The following BLM variants were observed in gnomAD, a reference collection of about 807,000 sequenced individuals.
BLM encodes the protein BLM RecQ like helicase, also known as recQ-like DNA helicase BLM.
Under a neutral mutation model 135.3 loss-of-function variants are expected in BLM, and 95 were observed. That is an observed-to-expected ratio of 0.70 (90% CI 0.59 to 0.83). The LOEUF is 0.83. Ranked by LOEUF, BLM falls within the 40% of genes least tolerant of loss-of-function variation. The pLI is 0.00. For missense variants in BLM, 1,518 were observed against 1,663.9 expected (o/e 0.91, Z 1.53); for synonymous variants, 520 against 589.2 (o/e 0.88, Z 1.70).
Position 90,754,857 on chromosome 15 carries a change from A to G in BLM, c.1006A>G (p.Ser336Gly), listed in dbSNP as rs1567037959. The G allele has an allele frequency of 6.2e-7, 1 of 1,613,846 alleles. No homozygotes were observed. The highest frequency in any genetic ancestry group is 8.5e-7 in the Non-Finnish European group (1 of 1,179,942). ...DTSDRKEDVLSTSKDLLSKPE... is the reference protein window; with the variant it reads ...DTSDRKEDVLGTSKDLLSKPE... ...CTCTGACAGAAAAGAGGATGTTCTTAGCACATCAAAAGATCTTTTGTCAAA... is the reference window on the plus strand; with the variant it reads ...CTCTGACAGAAAAGAGGATGTTCTTGGCACATCAAAAGATCTTTTGTCAAA... The change falls in exon 5 of 22, where the codon AGC becomes GGC. Residue 336 changes from serine (S) to glycine (G), a missense_variant. Physicochemically the swap from Ser to Gly is moderately conservative, Grantham distance 56. Coordinates refer to ENST00000355112, the MANE Select transcript of BLM (RefSeq NM_000057.4).
chr15:90,811,493 A>G (rs1897420668), intron 21 of BLM, 87 bp downstream of exon 21: 2 of 1,393,874 alleles, frequency 1.4e-6, no homozygotes, highest in African/African-American at 2.9e-5. Flanking sequence ...TGAAGGATTT[A>G]TTAAAATAAG....
In BLM at chr15:90,749,935, G is replaced by T. The variant is rs761533210; in HGVS notation, c.667G>T (p.Glu223Ter). 6.2e-7 allele frequency: 1 copy of T among 1,614,078 alleles called. No individual in the cohort carries two copies. The highest frequency in any genetic ancestry group is 1.1e-5 in the South Asian group (1 of 91,084). Residue 223 changes from glutamate (E) to a stop codon, truncating the protein, a stop_gained, in exon 3 of 22, where the codon GAA becomes TAA. Coordinates refer to ENST00000355112, the MANE Select transcript of BLM (RefSeq NM_000057.4). LOFTEE classifies it high-confidence loss of function. ...SESEQIDLTE[E>*]QKDDSEWLSS... is the part of the protein sequence containing the mutation. ...AAGCGAGCAAATAGATTTGACTGAG[G>T]AACAGAAGGATGACTCAGAATGGTT...
intron 17 of BLM, 94 bp from the exon 18 acceptor site, chr15:90,803,427 C>T: frequency 8.5e-7 from 1 of 1,172,332 alleles, no homozygotes; most frequent in South Asian, 1.3e-5. Flanking sequence ...TCCATCTGTC[C>T]AAACCTGTCC....
intron 1 of BLM, among the ~76,000 whole-genome samples, chr15:90,727,641 A>G (rs1027573536): frequency 6.6e-5 from 10 of 152,192 alleles, no homozygotes; most frequent in Non-Finnish European, 1.3e-4. Flanking sequence ...TCTTTTGGGC[A>G]GAAACATTGC....
chr15:90,735,661 GAC>G (rs1895195224), intron 1 of BLM, among the ~76,000 whole-genome samples: 3 of 151,940 alleles, frequency 2.0e-5, no homozygotes. Context: ...CTTTATATCA[GAC>G]ACAGGAATAA....
intron 21 of BLM, among the ~76,000 whole-genome samples, chr15:90,813,518 C>A (rs1401717754): frequency 6.6e-6 from 1 of 152,146 alleles, no homozygotes; most frequent in Non-Finnish European, 1.5e-5. Flanking sequence ...CTCAGCCTCC[C>A]AAGTAGCTGG....
chr15:90,740,337 C>G (rs1173422035), intron 1 of BLM, among the ~76,000 whole-genome samples: 1 of 152,162 alleles, frequency 6.6e-6, no homozygotes, highest in African/African-American at 2.4e-5. Context: ...TACACTAGTT[C>G]ATCTTTTGTG....
chr15:90,723,716 C>T (rs959375660), intron 1 of BLM, among the ~76,000 whole-genome samples: 3 of 151,986 alleles, frequency 2.0e-5, no homozygotes, highest in African/African-American at 7.2e-5. Flanking sequence ...TGTATAGTAC[C>T]ACACAGCCAC....
Position 90,753,985 on chromosome 15 carries a change from G to T in BLM, c.960-826G>T, listed in dbSNP as rs28384999. ...TACACTGTTTTGATTTAGTTAGAAAGTTGCATTCCAAAATTATTCTTTAGG... is the reference window on the plus strand; with the variant it reads ...TACACTGTTTTGATTTAGTTAGAAATTTGCATTCCAAAATTATTCTTTAGG... On this transcript the variant is annotated intron_variant, in intron 4 of 21. Transcript: ENST00000355112. 4.8e-3 allele frequency among the ~76,000 whole-genome samples: 736 copies of T among 152,296 alleles called. 12 individuals are homozygous for T. Among genetic ancestry groups the T allele is most frequent in the East Asian group, 0.026 (136 of 5,194 alleles).
chr15:90,792,480 A>G (rs763355978), intron 15 of BLM, among the ~76,000 whole-genome samples: 1 of 152,090 alleles, frequency 6.6e-6, no homozygotes, highest in Non-Finnish European at 1.5e-5. Flanking sequence ...TGTGCCCAAC[A>G]CTGCATATAT....
chr15:90,727,169 T>G (rs981783267), intron 1 of BLM, among the ~76,000 whole-genome samples: 1 of 152,136 alleles, frequency 6.6e-6, no homozygotes, highest in Non-Finnish European at 1.5e-5. Context: ...TTTTTGTTTT[T>G]GTTTTTTTAA....
At chr15:90,729,315 T>A (rs1290292493) in intron 1 of BLM, among the ~76,000 whole-genome samples, 3 of 152,014 alleles carry the variant, frequency 2.0e-5, no homozygotes, top group Non-Finnish European at 4.4e-5. Context: ...AGTTTCAAAA[T>A]AAATAAATAA....
At chr15:90,807,829 TCAATA>T (rs1897317202) in intron 19 of BLM, among the ~76,000 whole-genome samples, 1 of 152,234 alleles carries the variant, frequency 6.6e-6, no homozygotes, top group Non-Finnish European at 1.5e-5. Context: ...GCAGTTAGAC[TCAATA>T]CATGAGGTAC....
At chr15:90,763,541 A>G (rs935446094) in intron 8 of BLM, among the ~76,000 whole-genome samples, 16 of 152,190 alleles carry the variant, frequency 1.1e-4, no homozygotes, top group African/African-American at 3.9e-4. Flanking sequence ...ATATATGCAT[A>G]TATGCATAGT....
At chr15:90,761,309 G>A (rs1189149307) in intron 7 of BLM, 54 bp downstream of exon 7, 2 of 1,275,942 alleles carry the variant, frequency 1.6e-6, no homozygotes, top group South Asian at 2.0e-5. Flanking sequence ...TCCCAAAATA[G>A]GAATTATATA....
chr15:90,783,898 A>G (rs1458672923), intron 13 of BLM, among the ~76,000 whole-genome samples: 1 of 152,224 alleles, frequency 6.6e-6, no homozygotes, highest in African/African-American at 2.4e-5. Context: ...CAAAAAACAA[A>G]AAAGAAAATT....
chr15:90,784,327 C>CTTTTTTTTTTTTTT (rs769540432), intron 13 of BLM, among the ~76,000 whole-genome samples: 1 of 70,002 alleles, frequency 1.4e-5, no homozygotes, highest in Non-Finnish European at 2.5e-5. Context: ...AATGGCTTTT[C>CTTTTTTTTTTTTTT]TTTTTTTTTT....
At position 90,762,946 on chromosome 15, in the gene BLM, A is replaced by T; in HGVS notation, c.1883-20A>T. ...CTGTATTCATGTACTGATTTTTCTT[A>T]ACGTTGATTATTTTCCTAGACAAGT... On this transcript the variant is annotated intron_variant, in intron 7 of 21. Transcript: ENST00000355112. 1 of 1,606,822 alleles carries T rather than the reference A, an allele frequency of 6.2e-7. No homozygotes were observed. The highest frequency in any genetic ancestry group is 8.5e-7 in the Non-Finnish European group (1 of 1,175,000).
intron 12 of BLM, among the ~76,000 whole-genome samples, chr15:90,780,795 A>G (rs768125773): frequency 5.3e-5 from 8 of 152,260 alleles, no homozygotes; most frequent in Non-Finnish European, 7.3e-5. Context: ...TACTGACAGT[A>G]CAGTGTAGCA....
Sources: gnomAD v4.1 joint callset for allele counts (sites outside exome capture counted in the v4.1 genomes callset) on GRCh38, gnomAD v4.1.1 for gene constraint, MANE v1.5 for transcripts, NCBI Gene and HGNC (gene_info 2026-07-23, HGNC 2026-07-21) for gene names.